Variants in SPMIP7 observed in about 807,000 individuals in gnomAD.
The protein encoded by SPMIP7 is protein SPMIP7.
chr7:50,123,457 A>G, the SPMIP7 span, among the ~76,000 whole-genome samples: 42,364 of 139,266 alleles, frequency 0.3, 7,867 homozygotes, highest in Non-Finnish European at 0.41. Context: ...TAGGAGATAT[A>G]CCTAATGCTA....
chr7:50,129,311 ATTAG>A, the SPMIP7 span, among the ~76,000 whole-genome samples: 127 of 152,154 alleles, frequency 8.3e-4, no homozygotes, highest in Non-Finnish European at 1.5e-3. Flanking sequence ...TATAACAATA[ATTAG>A]TTAATTAATT....
the SPMIP7 span, among the ~76,000 whole-genome samples, chr7:50,122,282 CT>C: frequency 1.3e-4 from 19 of 151,826 alleles, no homozygotes; most frequent in African/African-American, 4.4e-4. Context: ...ACTATCTGAT[CT>C]TTGACAAACC....
the SPMIP7 span, chr7:50,141,336 G>A: frequency 1.9e-6 from 3 of 1,552,010 alleles, no homozygotes; most frequent in Non-Finnish European, 2.6e-6. Flanking sequence ...GGGAGACATC[G>A]CATCGCTAGC....
the SPMIP7 span, among the ~76,000 whole-genome samples, chr7:50,120,736 T>C: frequency 6.6e-6 from 1 of 152,210 alleles, no homozygotes; most frequent in Non-Finnish European, 1.5e-5. Flanking sequence ...CTCATCTCTG[T>C]GTTTCATTTA....
the SPMIP7 span, among the ~76,000 whole-genome samples, chr7:50,144,572 A>T: frequency 1.3e-5 from 2 of 152,220 alleles, no homozygotes; most frequent in African/African-American, 4.8e-5. Context: ...ATGTTTGTAC[A>T]CTTATCCATG....
At chr7:50,140,749 C>T in the SPMIP7 span, among the ~76,000 whole-genome samples, 1 of 152,214 alleles carries the variant, frequency 6.6e-6, no homozygotes, top group African/African-American at 2.4e-5. Flanking sequence ...TCTCATTACT[C>T]GGCCTCTTCA....
chr7:50,138,401 A>G, the SPMIP7 span, among the ~76,000 whole-genome samples: 1 of 152,224 alleles, frequency 6.6e-6, no homozygotes, highest in Non-Finnish European at 1.5e-5. Flanking sequence ...AATAACTACC[A>G]TGGGCAATTA....
the SPMIP7 span, chr7:50,129,677 T>A: frequency 7.8e-7 from 1 of 1,286,932 alleles, no homozygotes; most frequent in Non-Finnish European, 1.1e-6. Flanking sequence ...AATTTCCATT[T>A]ATATTTGGTC....
chr7:50,113,400 G>A, the SPMIP7 span, among the ~76,000 whole-genome samples: 2 of 152,078 alleles, frequency 1.3e-5, no homozygotes, highest in South Asian at 2.1e-4. Context: ...AGACATAGAA[G>A]ACCAAGCAGC....
the SPMIP7 span, among the ~76,000 whole-genome samples, chr7:50,158,707 C>A: frequency 1.3e-5 from 2 of 151,958 alleles, no homozygotes; most frequent in African/African-American, 4.8e-5. Context: ...GCCCCTCACT[C>A]CTCCTTGGAG....
the SPMIP7 span, among the ~76,000 whole-genome samples, chr7:50,109,790 A>G: frequency 6.6e-6 from 1 of 152,220 alleles, no homozygotes; most frequent in Non-Finnish European, 1.5e-5. Flanking sequence ...CATATGTAGA[A>G]TAACCCAAAA....
the SPMIP7 span, chr7:50,095,966 G>A: frequency 1.6e-6 from 1 of 639,032 alleles, no homozygotes; most frequent in Non-Finnish European, 2.4e-6. Context: ...AGAAAGCTGT[G>A]TCAATTTTAT....
the SPMIP7 span, among the ~76,000 whole-genome samples, chr7:50,151,795 C>A: frequency 6.6e-6 from 1 of 152,130 alleles, no homozygotes; most frequent in Non-Finnish European, 1.5e-5. Context: ...CACTGAAAAC[C>A]AGGTTTAGAT....
chr7:50,140,006 T>G, the SPMIP7 span: 1 of 617,166 alleles, frequency 1.6e-6, no homozygotes, highest in Non-Finnish European at 2.7e-6. Context: ...CTGTTTAAAA[T>G]CACAAACCTT....
chr7:50,150,964 A>G, the SPMIP7 span, among the ~76,000 whole-genome samples: 1 of 152,242 alleles, frequency 6.6e-6, no homozygotes, highest in East Asian at 1.9e-4. Context: ...ATTTTAGGAA[A>G]TCATCTGAAA....
the SPMIP7 span, among the ~76,000 whole-genome samples, chr7:50,106,744 G>A: frequency 6.6e-6 from 1 of 152,028 alleles, no homozygotes; most frequent in Non-Finnish European, 1.5e-5. Flanking sequence ...GTAAAATGTT[G>A]AAGGAGAAAA....
the SPMIP7 span, among the ~76,000 whole-genome samples, chr7:50,108,495 A>G: frequency 6.6e-6 from 1 of 152,228 alleles, no homozygotes; most frequent in Non-Finnish European, 1.5e-5. Context: ...ATAGCACACC[A>G]AGATAATAGT....
chr7:50,159,226 G>A, the SPMIP7 span: 4 of 1,530,868 alleles, frequency 2.6e-6, no homozygotes, highest in African/African-American at 4.2e-5. Flanking sequence ...CTTGTGCGGC[G>A]GTGGGAAATA....
chr7:50,096,424 T>G, the SPMIP7 span: 3 of 1,551,796 alleles, frequency 1.9e-6, no homozygotes, highest in East Asian at 7.3e-5. Flanking sequence ...TTATGAGTCC[T>G]GGTGGTGATG....
Sources: allele counts gnomAD v4.1 joint callset (sites outside exome capture counted in the v4.1 genomes callset), GRCh38; gene constraint gnomAD v4.1.1; transcripts MANE v1.5; gene names NCBI Gene and HGNC (gene_info 2026-07-23, HGNC 2026-07-21).